KLHDC10: variants seen among roughly 807,000 people sequenced by gnomAD.
The protein encoded by KLHDC10 is kelch domain-containing protein 10.
In KLHDC10, 24 loss-of-function variants were observed where a neutral mutation model predicts 56.1. The ratio of observed to expected loss-of-function variants is 0.43; its 90% CI spans 0.31 to 0.60. The LOEUF is 0.60. KLHDC10 is among the 20% of genes least tolerant of loss of function. The pLI, the probability that KLHDC10 is intolerant of heterozygous loss-of-function variation, is 0.11. For synonymous variants in KLHDC10, 188 were observed against 207.1 expected (o/e 0.91, Z 0.79); for missense variants, 349 against 567.0 (o/e 0.62, Z 3.91).
intron 2 of KLHDC10, among the ~76,000 whole-genome samples, chr7:130,113,582 C>G (rs1796129856): frequency 6.6e-6 from 1 of 152,180 alleles, no homozygotes; most frequent in African/African-American, 2.4e-5. Flanking sequence ...ATCCACCCGC[C>G]TTGGCTTCCC....
intron 2 of KLHDC10, among the ~76,000 whole-genome samples, chr7:130,103,719 G>T (rs530473856): frequency 5.9e-5 from 9 of 152,178 alleles, no homozygotes; most frequent in African/African-American, 2.2e-4. Flanking sequence ...TTTAAGTGGG[G>T]GGGTCAAAAT....
At chr7:130,098,752 A>C (rs1490370729) in intron 2 of KLHDC10, among the ~76,000 whole-genome samples, 1 of 151,946 alleles carries the variant, frequency 6.6e-6, no homozygotes, top group Non-Finnish European at 1.5e-5. Flanking sequence ...AATTCAACAT[A>C]ATAATGATAT....
At chr7:130,102,085 G>A (rs1795938785) in intron 2 of KLHDC10, among the ~76,000 whole-genome samples, 1 of 151,156 alleles carries the variant, frequency 6.6e-6, no homozygotes, top group African/African-American at 2.4e-5. Flanking sequence ...AGAACAAGAA[G>A]AGGAGCTCTA....
chr7:130,101,970 A>T (rs6959592), intron 2 of KLHDC10, among the ~76,000 whole-genome samples: 2 of 28,606 alleles, frequency 7.0e-5, no homozygotes, highest in Non-Finnish European at 1.8e-4. Context: ...ACTCCCTCTT[A>T]AAAAAAAAAA....
At chr7:130,119,537 T>TAAAAA (rs11317882) in intron 3 of KLHDC10, among the ~76,000 whole-genome samples, 2 of 100,386 alleles carry the variant, frequency 2.0e-5, no homozygotes, top group African/African-American at 7.8e-5. Context: ...AAAAAAGAGT[T>TAAAAA]AAAAAAAAAA....
intron 1 of KLHDC10, among the ~76,000 whole-genome samples, chr7:130,089,696 CTT>C (rs1334347024): frequency 6.6e-6 from 1 of 152,186 alleles, no homozygotes; most frequent in Non-Finnish European, 1.5e-5. Flanking sequence ...CCCTTAGACA[CTT>C]TGCCTGGAGC....
intron 1 of KLHDC10, 90 bp downstream of exon 1, chr7:130,070,899 G>T (rs1353851226): frequency 5.1e-6 from 5 of 986,910 alleles, no homozygotes; most frequent in Admixed American, 3.5e-5. Context: ...TTCCTTGGGA[G>T]GAGGAAAGGC....
chr7:130,122,334 A>G, intron 5 of KLHDC10, 132 bp downstream of exon 5: 2 of 790,068 alleles, frequency 2.5e-6, no homozygotes, highest in Non-Finnish European at 1.9e-6. Flanking sequence ...GTTAGATCTC[A>G]GGTAAATAGT....
chr7:130,087,920 C>T lies in KLHDC10; in HGVS notation c.167-9001C>T, dbSNP rs534414437. Among the ~76,000 whole-genome samples, 4 of 152,034 alleles carry T rather than the reference C, an allele frequency of 2.6e-5. No homozygotes were observed. In the East Asian group the frequency reaches 7.8e-4, roughly 30 times the overall value. On this transcript the variant is annotated intron_variant, in intron 1 of 9. Coordinates refer to ENST00000335420, the MANE Select transcript of KLHDC10 (RefSeq NM_014997.4). ...GGATTACAGGTGCTCGCCACCACGC[C>T]TGGCTAATTTTTGTATCTTTAGTAG...
intron 1 of KLHDC10, among the ~76,000 whole-genome samples, chr7:130,075,268 A>G (rs1795482062): frequency 6.6e-6 from 1 of 152,246 alleles, no homozygotes. Flanking sequence ...ACAGTTAAAC[A>G]TTGTTGCTAA....
At chr7:130,078,681 G>A (rs145069356) in intron 1 of KLHDC10, among the ~76,000 whole-genome samples, 2,250 of 152,116 alleles carry the variant, frequency 0.015, 54 homozygotes, top group African/African-American at 0.051. Flanking sequence ...ACTACACCCG[G>A]CTAATTTTTT....
intron 1 of KLHDC10, among the ~76,000 whole-genome samples, chr7:130,085,375 A>T (rs1795673138): frequency 1.3e-5 from 2 of 151,818 alleles, no homozygotes; most frequent in African/African-American, 4.8e-5. Context: ...ATTGGGCAGA[A>T]GACTATATAA....
chr7:130,083,020 A>G (rs1467611617), intron 1 of KLHDC10, among the ~76,000 whole-genome samples: 4 of 152,198 alleles, frequency 2.6e-5, no homozygotes, highest in Admixed American at 6.5e-5. Context: ...GTAAGATATC[A>G]TTAATGTCCT....
At position 130,130,695 on chromosome 7, in the gene KLHDC10, A is replaced by T. The variant is rs763785496; in HGVS notation, c.1278A>T (p.Thr426=). 8.1e-6 allele frequency: 13 copies of T among 1,614,036 alleles called. No homozygotes were observed. The highest frequency in any genetic ancestry group is 1.1e-5 in the Non-Finnish European group (13 of 1,180,034). ...AFPNLANLSR[T]QLLHLGLTQG... Reference sequence around the variant, plus strand: ...CTAACCTTGCAAACCTCTCCCGAACACAACTTCTGCACCTTGGACTCACAC... The same window carrying T: ...CTAACCTTGCAAACCTCTCCCGAACTCAACTTCTGCACCTTGGACTCACAC... Residue 426 remains threonine (T), a synonymous_variant, in exon 10 of 10, where the codon ACA becomes ACT. Transcript: ENST00000335420. The surrounding 1 kb of genome is among the most constrained non-coding windows in gnomAD (Gnocchi z 4.2).
chr7:130,079,309 C>G (rs763097958), intron 1 of KLHDC10, among the ~76,000 whole-genome samples: 2 of 152,060 alleles, frequency 1.3e-5, no homozygotes, highest in Non-Finnish European at 2.9e-5. Flanking sequence ...TCGCCCACCT[C>G]GGCCTCCCAA....
intron 5 of KLHDC10, among the ~76,000 whole-genome samples, chr7:130,123,395 G>T (rs1230537690): frequency 6.6e-6 from 1 of 151,848 alleles, no homozygotes; most frequent in African/African-American, 2.4e-5. Flanking sequence ...GCTTGAACCC[G>T]GGAGGCAGAG....
At position 130,084,951 on chromosome 7, in the gene KLHDC10, A is replaced by G. The variant is rs142426856; in HGVS notation, c.167-11970A>G. ...GACCTCCAAGTAAGGATATAGAGTA[A>G]GTAATCTTTACATTAAAAAAAATCA... is the stretch of plus-strand genomic sequence containing the variant. On this transcript the variant is annotated intron_variant, in intron 1 of 9. Transcript: ENST00000335420. Among the ~76,000 whole-genome samples, 236 of 152,222 alleles carry G rather than the reference A, an allele frequency of 1.6e-3. 4 individuals are homozygous for G. In the East Asian group the frequency reaches 0.043, roughly 28 times the overall value.
intron 2 of KLHDC10, among the ~76,000 whole-genome samples, chr7:130,108,671 A>G (rs1315105434): frequency 6.7e-6 from 1 of 149,876 alleles, no homozygotes; most frequent in African/African-American, 2.5e-5. Flanking sequence ...GCAATGAGCC[A>G]AGATTGAGTC....
chr7:130,108,070 CAAAAA>C (rs1241868040), intron 2 of KLHDC10, among the ~76,000 whole-genome samples: 1 of 146,952 alleles, frequency 6.8e-6, no homozygotes, highest in African/African-American at 2.5e-5. Flanking sequence ...AAAAACAAAA[CAAAAA>C]AAAACTAGCT....
Sources: gnomAD v4.1 joint callset for allele counts (sites outside exome capture counted in the v4.1 genomes callset) on GRCh38, gnomAD v4.1.1 for gene constraint, Gnocchi (gnomAD v3.1) non-coding constraint, MANE v1.5 for transcripts, NCBI Gene and HGNC (gene_info 2026-07-23, HGNC 2026-07-21) for gene names.